Variants in CNTN5 observed in about 807,000 individuals in gnomAD.
CNTN5 encodes the protein contactin-5.
Under a neutral mutation model 129.1 loss-of-function variants are expected in CNTN5, and 77 were observed. The observed-to-expected ratio is 0.60, with a 90% CI of 0.50 to 0.72. The LOEUF is 0.72. Ranked by LOEUF, CNTN5 falls within the 30% of genes least tolerant of loss-of-function variation. CNTN5 has a pLI of 0.00. For missense variants in CNTN5, 1,478 were observed against 1,328.8 expected, an observed-to-expected ratio of 1.11 and a Z score of -1.75; for synonymous variants, 509 against 465.6, an observed-to-expected ratio of 1.09 and a Z score of -1.20.
At chr11:100,251,761 A>G (rs2138713437) in intron 16 of CNTN5, among the ~76,000 whole-genome samples, 1 of 152,146 alleles carries the variant, frequency 6.6e-6, no homozygotes, top group East Asian at 1.9e-4. Context: ...CATTCTTTTT[A>G]TGGCTGAATA....
intron 16 of CNTN5, 59 bp from the exon 17 acceptor site, chr11:100,255,701 T>C: frequency 6.9e-7 from 1 of 1,454,648 alleles, no homozygotes; most frequent in Non-Finnish European, 9.5e-7. Context: ...GAAATATAAT[T>C]TCTCATGGCT....
At chr11:99,165,686 G>A (rs1860833721) in intron 1 of CNTN5, among the ~76,000 whole-genome samples, 1 of 152,042 alleles carries the variant, frequency 6.6e-6, no homozygotes, top group African/African-American at 2.4e-5. Context: ...AGAATGCAGG[G>A]TTTTTGCATT....
At chr11:99,271,067 T>C (rs1263974424) in intron 1 of CNTN5, among the ~76,000 whole-genome samples, 1 of 151,942 alleles carries the variant, frequency 6.6e-6, no homozygotes, top group Non-Finnish European at 1.5e-5. Flanking sequence ...GATAAATGAA[T>C]GAATGAGTGT....
chr11:99,417,133 A>G (rs1449473296), intron 2 of CNTN5, among the ~76,000 whole-genome samples: 1 of 152,200 alleles, frequency 6.6e-6, no homozygotes, highest in Non-Finnish European at 1.5e-5. Context: ...CTGTTCAATC[A>G]AGTTAAAAAA....
intron 1 of CNTN5, among the ~76,000 whole-genome samples, chr11:99,037,746 A>G: frequency 6.6e-6 from 1 of 151,358 alleles, no homozygotes; most frequent in East Asian, 2.0e-4. Context: ...CGCACAGCTA[A>G]TTTTTGTATT....
At chr11:100,067,087 A>G (rs1258219009) in intron 10 of CNTN5, among the ~76,000 whole-genome samples, 3 of 152,098 alleles carry the variant, frequency 2.0e-5, no homozygotes, top group Non-Finnish European at 4.4e-5. Context: ...ATATCTTGCA[A>G]TGTAAACAAG....
chr11:100,202,945 G>A (rs558142811), intron 15 of CNTN5, among the ~76,000 whole-genome samples: 1 of 152,084 alleles, frequency 6.6e-6, no homozygotes, highest in Admixed American at 6.6e-5. Flanking sequence ...GTAAAGCACA[G>A]AGAGAACTAA....
At chr11:100,278,885 A>G (rs1162092339) in intron 18 of CNTN5, among the ~76,000 whole-genome samples, 1 of 151,900 alleles carries the variant, frequency 6.6e-6, no homozygotes, top group African/African-American at 2.4e-5. Flanking sequence ...CATGTTCCAG[A>G]TCTAGGAGGA....
chr11:100,064,651 C>T (rs947635562), intron 10 of CNTN5, among the ~76,000 whole-genome samples: 1 of 152,016 alleles, frequency 6.6e-6, no homozygotes, highest in Non-Finnish European at 1.5e-5. Context: ...TAAGTCATTT[C>T]TTTGGCTATT....
At chr11:99,060,955 C>G (rs1012121136) in intron 1 of CNTN5, among the ~76,000 whole-genome samples, 1 of 152,102 alleles carries the variant, frequency 6.6e-6, no homozygotes. Context: ...TCCTACTATT[C>G]TAATCTCCCT....
intron 2 of CNTN5, among the ~76,000 whole-genome samples, chr11:99,498,756 G>A (rs1187468143): frequency 6.6e-6 from 1 of 152,170 alleles, no homozygotes; most frequent in African/African-American, 2.4e-5. Flanking sequence ...TGTAGTTAGG[G>A]CTTCTGGGAA....
chr11:99,557,737 C>A (rs1369876988), intron 3 of CNTN5, among the ~76,000 whole-genome samples: 1 of 148,774 alleles, frequency 6.7e-6, no homozygotes, highest in Admixed American at 6.7e-5. Context: ...AAAAGGCAAT[C>A]CTCAACTTAT....
intron 9 of CNTN5, among the ~76,000 whole-genome samples, chr11:100,039,871 T>C (rs965896452): frequency 2.6e-5 from 4 of 152,200 alleles, no homozygotes; most frequent in African/African-American, 9.7e-5. Context: ...TCCATTCATC[T>C]AACTTTTTTT....
rs1947445682 is a variant in CNTN5, at chr11:99,525,380, C to T, written c.-70-30765C>T. Among the ~76,000 whole-genome samples, 5 of 152,132 alleles carry T rather than the reference C, an allele frequency of 3.3e-5. 1 individual carries two copies. In the South Asian group the frequency reaches 1.0e-3, roughly 32 times the overall value. On this transcript the variant is annotated intron_variant, in intron 2 of 24. Transcript: ENST00000524871. Reference sequence around the variant, plus strand: ...AGAAATTTTGATTATCTTATAAGTACGTACTAAGTACAATAGTCACTATTC... The same window carrying T: ...AGAAATTTTGATTATCTTATAAGTATGTACTAAGTACAATAGTCACTATTC...
chr11:99,818,471 G>C (rs1946665940), intron 3 of CNTN5, among the ~76,000 whole-genome samples: 1 of 151,950 alleles, frequency 6.6e-6, no homozygotes, highest in East Asian at 1.9e-4. Context: ...TGCTTTTGCT[G>C]GTTTTAAACA....
In CNTN5 at chr11:99,556,254, A is replaced by G. The variant is rs1288168308; in HGVS notation, c.40A>G (p.Thr14Ala). The G allele has an allele frequency of 6.5e-7, 1 of 1,528,394 alleles. No individual in the cohort carries two copies. The highest frequency in any genetic ancestry group is 2.5e-5 in the East Asian group (1 of 40,566). The allele number at this position is 1,528,394 out of a possible 1,614,324, so 94.7% of individuals were successfully genotyped here. A position where few individuals can be genotyped will look rare whatever the true frequency, so the allele number is the denominator to read the frequency against. Reference sequence around the variant, plus strand: ...GAAACTAATGCTGTTTCTGTCAGTCACCATGTGTCTTTCAGGTAAAAGTCC... The same window carrying G: ...GAAACTAATGCTGTTTCTGTCAGTCGCCATGTGTCTTTCAGGTAAAAGTCC... ...SWKLMLFLSV[T>A]MCLSEYSKSL... The change falls in exon 3 of 25, where the codon ACC becomes GCC. Residue 14 changes from threonine to alanine, a missense_variant. By Grantham distance (58) the Thr-to-Ala change is moderately conservative. Coordinates refer to ENST00000524871, the MANE Select transcript of CNTN5 (RefSeq NM_014361.4).
chr11:99,090,148 T>C (rs1239860776), intron 1 of CNTN5, among the ~76,000 whole-genome samples: 1 of 152,234 alleles, frequency 6.6e-6, no homozygotes, highest in Non-Finnish European at 1.5e-5. Flanking sequence ...TCAAATATTT[T>C]GTTCATTCAT....
intron 1 of CNTN5, among the ~76,000 whole-genome samples, chr11:99,128,887 A>G (rs1246862127): frequency 2.0e-5 from 3 of 152,304 alleles, no homozygotes; most frequent in African/African-American, 7.2e-5. Context: ...TGACTGTTAG[A>G]AGAAAAACAA....
At chr11:100,032,488 T>C (rs1456077394) in intron 9 of CNTN5, among the ~76,000 whole-genome samples, 2 of 151,950 alleles carry the variant, frequency 1.3e-5, no homozygotes, top group African/African-American at 2.4e-5. Flanking sequence ...TATTTGTGAA[T>C]GTAATTAGCA....
Sources: allele counts gnomAD v4.1 joint callset (sites outside exome capture counted in the v4.1 genomes callset), GRCh38; gene constraint gnomAD v4.1.1; transcripts MANE v1.5; gene names NCBI Gene and HGNC (gene_info 2026-07-23, HGNC 2026-07-21).